The following TBC1D16 variants were observed in gnomAD, a reference collection of about 807,000 sequenced individuals.
TBC1D16 encodes the protein TBC1 domain family member 16, also known as CTD-2529O21.1.
A neutral mutation model predicts 74.7 loss-of-function variants in TBC1D16; 58 were observed. That is an observed-to-expected ratio of 0.78 (90% CI 0.63 to 0.97). The LOEUF is 0.97. TBC1D16 is among the 50% of genes least tolerant of loss of function. The probability of loss-of-function intolerance (pLI) is 0.00; values close to 1 mark genes in which losing one functional copy is unlikely to be tolerated. For missense variants in TBC1D16, 1,014 were observed against 1,079.5 expected (o/e 0.94, Z 0.85); for synonymous variants, 493 against 474.7 (o/e 1.04, Z -0.50).
At chr17:79,992,028 G>T (rs2035083279) in intron 3 of TBC1D16, 1 of 152,364 alleles carries the variant, frequency 6.6e-6, no homozygotes, top group Admixed American at 6.5e-5. Flanking sequence ...AATGTCCTGC[G>T]TACAAGCCTG....
chr17:79,940,722 T>C lies in TBC1D16; in HGVS notation c.*137A>G, dbSNP rs750384094. 3.0e-5 allele frequency: 31 copies of C among 1,028,742 alleles called. No homozygotes were observed. The highest frequency in any genetic ancestry group is 3.5e-4 in the Middle Eastern group (1 of 2,876). The allele number at this position is 1,028,742 out of a possible 1,614,324, so 63.7% of individuals were successfully genotyped here. On this transcript the variant is annotated 3_prime_UTR_variant, in exon 12 of 12. Transcript: ENST00000310924. The surrounding 1 kb of genome is among the most constrained non-coding windows in gnomAD (Gnocchi z 5.4). Reference sequence around the variant, plus strand: ...AATTTTGTCATTAATATGAAAAGGTTCCTCTCATGTTGCCCAAAAGCATTT... The same window carrying C: ...AATTTTGTCATTAATATGAAAAGGTCCCTCTCATGTTGCCCAAAAGCATTT...
rs2034484480 is a variant in TBC1D16, at chr17:79,979,451, G to C, written c.780-26633C>G. On this transcript the variant is annotated intron_variant, in intron 3 of 11. Coordinates refer to ENST00000310924, the MANE Select transcript of TBC1D16 (RefSeq NM_019020.4). The surrounding 1 kb of genome is among the most constrained non-coding windows in gnomAD (Gnocchi z 4.8). The stretch of plus-strand genomic sequence containing the variant: ...ACTGTGTGGAAACCCAGGGGAGATG[G>C]GAGAGGCCTGAAGCGGGAGGCGGGA... 6.6e-6 allele frequency among the ~76,000 whole-genome samples: 1 copy of C among 152,184 alleles called. No individual in the cohort carries two copies. The highest frequency in any genetic ancestry group is 6.5e-5 in the Admixed American group (1 of 15,288).
At chr17:79,989,424 T>C (rs1342570012) in intron 3 of TBC1D16, among the ~76,000 whole-genome samples, 1 of 152,246 alleles carries the variant, frequency 6.6e-6, no homozygotes, top group East Asian at 1.9e-4. Flanking sequence ...TTTTCCACTC[T>C]GTGCCTGCTT....
rs2031361471 is a variant in TBC1D16, at chr17:79,933,152, G to A, written c.*7707C>T. 6.6e-6 allele frequency: 1 copy of A among 152,208 alleles called. No homozygotes were observed. Among genetic ancestry groups the A allele is most frequent in the Non-Finnish European group, 1.5e-5 (1 of 68,070 alleles). The allele number at this position is 152,208 out of a possible 1,614,324, so 9.4% of individuals were successfully genotyped here. A position where few individuals can be genotyped will look rare whatever the true frequency, so the allele number is the denominator to read the frequency against. On this transcript the variant is annotated 3_prime_UTR_variant, in exon 12 of 12. Coordinates refer to ENST00000310924, the MANE Select transcript of TBC1D16 (RefSeq NM_019020.4). The stretch of plus-strand genomic sequence containing the variant: ...TGTCAAAATCTAAGTTTTCCACGAG[G>A]TCAGCAGCAGGTGTCTCCTGGTCTG...
intron 3 of TBC1D16, among the ~76,000 whole-genome samples, chr17:79,959,776 A>C (rs1203303435): frequency 1.3e-5 from 2 of 152,254 alleles, no homozygotes; most frequent in Non-Finnish European, 2.9e-5. Context: ...AGAATCCGTA[A>C]GAGAAAACCT....
rs1396310936 is a variant in TBC1D16 at position 79,956,089 on chromosome 17, C to A, written c.780-3271G>T. On this transcript the variant is annotated intron_variant, in intron 3 of 11. Transcript: ENST00000310924. This position sits in a 1 kb window ranked among gnomAD's most constrained non-coding sequence, Gnocchi z 4.0. ...AGAGAGACACGCAACTGGCAGTCAG[C>A]ACCAGAGCCCCGACACCTGTCAATG... 1.3e-5 allele frequency among the ~76,000 whole-genome samples: 2 copies of A among 152,192 alleles called. No homozygotes were observed. The highest frequency in any genetic ancestry group is 2.9e-5 in the Non-Finnish European group (2 of 68,036).
rs4243249 is a variant in TBC1D16 at position 80,009,047 on chromosome 17, G to A, written c.779+1113C>T. Among the ~76,000 whole-genome samples, 27,372 of 152,146 alleles carry A rather than the reference G, an allele frequency of 0.18. 2,801 individuals carry two copies. Among genetic ancestry groups the A allele is most frequent in the Non-Finnish European group, 0.24 (16,015 of 67,978 alleles). On this transcript the variant is annotated intron_variant, in intron 3 of 11. Transcript: ENST00000310924. The surrounding 1 kb of genome is among the most constrained non-coding windows in gnomAD (Gnocchi z 5.4). ...TTCTCCGAGCCGCCCTTTCCCCTTCGATAGCAGGGGATAATAGGAGGGCCC... is the reference window on the plus strand; with the variant it reads ...TTCTCCGAGCCGCCCTTTCCCCTTCAATAGCAGGGGATAATAGGAGGGCCC...
intron 3 of TBC1D16, among the ~76,000 whole-genome samples, chr17:79,957,906 C>T (rs549638015): frequency 6.6e-4 from 97 of 147,092 alleles, no homozygotes; most frequent in African/African-American, 2.1e-3. Context: ...AACTGGGACA[C>T]ATATATGATA....
chr17:79,972,221 G>A lies in TBC1D16; in HGVS notation c.780-19403C>T, dbSNP rs150395306. Among the ~76,000 whole-genome samples, 529 of 152,192 alleles carry A rather than the reference G, an allele frequency of 3.5e-3. 5 individuals are homozygous for A. The highest frequency in any genetic ancestry group is 0.012 in the African/African-American group (504 of 41,502). On this transcript the variant is annotated intron_variant, in intron 3 of 11. Transcript: ENST00000310924. ...AGAGGGAGTCTTGCTTTGTCACCCA[G>A]GCTGGAGTGCAGTGGCTCAATCTTG... is the stretch of plus-strand genomic sequence containing the variant.
chr17:79,974,793 A>G lies in TBC1D16; in HGVS notation c.780-21975T>C, dbSNP rs1424713787. Among the ~76,000 whole-genome samples, 5 of 152,224 alleles carry G rather than the reference A, an allele frequency of 3.3e-5. No individual in the cohort carries two copies. In the East Asian group the frequency reaches 9.7e-4, roughly 29 times the overall value. Reference sequence around the variant, plus strand: ...GACCCAGCAAAGGCTGCACCAACTCACAGGTGGGGCTGGTAGGAGGCTGGG... The same window carrying G: ...GACCCAGCAAAGGCTGCACCAACTCGCAGGTGGGGCTGGTAGGAGGCTGGG... On this transcript the variant is annotated intron_variant, in intron 3 of 11. Coordinates refer to ENST00000310924, the MANE Select transcript of TBC1D16 (RefSeq NM_019020.4).
chr17:79,960,338 G>C (rs1367732446), intron 3 of TBC1D16, among the ~76,000 whole-genome samples: 1 of 152,118 alleles, frequency 6.6e-6, no homozygotes, highest in Non-Finnish European at 1.5e-5. Flanking sequence ...AGATGGCCAA[G>C]AAGCCTATGA....
chr17:79,955,056 A>C (rs1358982705), intron 3 of TBC1D16, among the ~76,000 whole-genome samples: 1 of 152,126 alleles, frequency 6.6e-6, no homozygotes, highest in Non-Finnish European at 1.5e-5. Flanking sequence ...CACAGGGGCC[A>C]CCACACACCT....
chr17:79,949,687 G>T (rs779636516), intron 7 of TBC1D16, 30 bp downstream of exon 7: 1 of 1,583,974 alleles, frequency 6.3e-7, no homozygotes, highest in Non-Finnish European at 8.6e-7. Flanking sequence ...GCGGCTCGGC[G>T]GGGTGGGCCG....
intron 2 of TBC1D16, 82 bp downstream of exon 2, chr17:80,013,285 C>A: frequency 7.4e-7 from 1 of 1,345,286 alleles, no homozygotes; most frequent in Non-Finnish European, 1.0e-6. Flanking sequence ...CTCTCACGTG[C>A]TGTGGCCCAG....
chr17:80,010,388 G>C lies in TBC1D16; in HGVS notation c.551C>G (p.Ser184Cys). 7.4e-6 allele frequency: 12 copies of C among 1,612,090 alleles called. No homozygotes were observed. The highest frequency in any genetic ancestry group is 1.0e-5 in the Non-Finnish European group (12 of 1,179,312). Residue 184 changes from serine to cysteine, a missense_variant, in exon 3 of 12, where the codon TCC (serine) becomes TGC (cysteine). Coordinates refer to ENST00000310924, the MANE Select transcript of TBC1D16 (RefSeq NM_019020.4). This position sits in a 1 kb window ranked among gnomAD's most constrained non-coding sequence, Gnocchi z 8.8. ...QPASQPACSP[S>C]GILSTVSPQD... ...CGGACTGACCGTCGACAAGATCCCG[G>C]AGGGGCTGCAAGCAGGCTGCGAGGC...
rs2034858938 is a variant in TBC1D16, at chr17:79,986,870, G to A, written c.779+23290C>T. Among the ~76,000 whole-genome samples the A allele has an allele frequency of 6.6e-6, 1 of 152,234 alleles. No individual in the cohort carries two copies. Among genetic ancestry groups the A allele is most frequent in the Non-Finnish European group, 1.5e-5 (1 of 68,042 alleles). ...GGCCGGGCCGGTGGGAGGGCGTGAT[G>A]CATGGGAGGAGCTGGACTGCGGTCA... is the stretch of plus-strand genomic sequence containing the variant. On this transcript the variant is annotated intron_variant, in intron 3 of 11. Coordinates refer to ENST00000310924, the MANE Select transcript of TBC1D16 (RefSeq NM_019020.4). This position sits in a 1 kb window ranked among gnomAD's most constrained non-coding sequence, Gnocchi z 6.0.
In TBC1D16 at chr17:79,952,662, G is replaced by A; in HGVS notation, c.936C>T (p.Phe312=). Residue 312 remains phenylalanine (F), a synonymous_variant, in exon 4 of 12, where the codon TTC becomes TTT. Transcript: ENST00000310924. ...DLGHMRSLRL[F]FSDEACTSGQ... is the part of the protein sequence containing the mutation. ...CGCCCAGAGATGCTTCCTACCTGAA[G>A]AAAAGGCGGAGGGAGCGCATGTGGC... 6.3e-7 allele frequency: 1 copy of A among 1,593,892 alleles called. No individual in the cohort carries two copies. Among genetic ancestry groups the A allele is most frequent in the Non-Finnish European group, 8.6e-7 (1 of 1,165,030 alleles).
intron 8 of TBC1D16, 146 bp downstream of exon 8, chr17:79,948,726 C>T (rs1177720301): frequency 5.4e-6 from 6 of 1,111,270 alleles, no homozygotes; most frequent in African/African-American, 3.1e-5. Flanking sequence ...TCATGAGTAG[C>T]GTATCCTTCA....
intron 3 of TBC1D16, among the ~76,000 whole-genome samples, chr17:79,958,095 G>A (rs2033422448): frequency 6.6e-6 from 1 of 152,052 alleles, no homozygotes; most frequent in Admixed American, 6.5e-5. Context: ...GGATAACATG[G>A]TGGGGGGATG....
Sources: gnomAD v4.1 joint callset for allele counts (sites outside exome capture counted in the v4.1 genomes callset) on GRCh38, gnomAD v4.1.1 for gene constraint, Gnocchi (gnomAD v3.1) non-coding constraint, MANE v1.5 for transcripts, NCBI Gene and HGNC (gene_info 2026-07-23, HGNC 2026-07-21) for gene names.